NUMB: variants seen among roughly 807,000 people sequenced by gnomAD.
The protein encoded by NUMB is protein numb homolog.
In NUMB, 29 loss-of-function variants were observed where a neutral mutation model predicts 59.7. That is an observed-to-expected ratio of 0.49 (90% CI 0.36 to 0.66). The LOEUF (loss-of-function observed/expected upper bound fraction) is 0.66. NUMB is among the 30% of genes least tolerant of loss of function. The probability of loss-of-function intolerance (pLI) is 0.00; values close to 1 mark genes in which losing one functional copy is unlikely to be tolerated. For missense variants in NUMB, 723 were observed against 822.0 expected (o/e 0.88, Z 1.47); for synonymous variants, 288 against 288.2 (o/e 1.00, Z 0.01).
intron 2 of NUMB, among the ~76,000 whole-genome samples, chr14:73,399,932 G>A (rs1007729746): frequency 6.6e-6 from 1 of 151,842 alleles, no homozygotes; most frequent in Non-Finnish European, 1.5e-5. Context: ...CCAGCTACTC[G>A]GGAGGCTGAG....
chr14:73,320,281 C>T (rs1280194795), intron 5 of NUMB, among the ~76,000 whole-genome samples: 1 of 152,162 alleles, frequency 6.6e-6, no homozygotes, highest in Non-Finnish European at 1.5e-5. Flanking sequence ...TAGTTTTTGT[C>T]TGAAAAATTT....
intron 4 of NUMB, among the ~76,000 whole-genome samples, chr14:73,350,711 T>C (rs1263524179): frequency 7.6e-6 from 1 of 131,178 alleles, no homozygotes; most frequent in African/African-American, 2.9e-5. Context: ...TTTTTTTTTG[T>C]AGAGATGGGG....
chr14:73,427,272 G>A (rs370046869), intron 1 of NUMB, among the ~76,000 whole-genome samples: 114 of 152,090 alleles, frequency 7.5e-4, no homozygotes, highest in Middle Eastern at 3.4e-3. Context: ...TGAGGTCAGA[G>A]ACCAGCCTGG....
intron 2 of NUMB, among the ~76,000 whole-genome samples, chr14:73,375,792 G>T (rs1278865523): frequency 6.6e-6 from 1 of 151,990 alleles, no homozygotes. Flanking sequence ...ATATTAACAG[G>T]CTAAAAAACA....
At chr14:73,348,810 C>G (rs1893043669) in intron 4 of NUMB, among the ~76,000 whole-genome samples, 1 of 152,210 alleles carries the variant, frequency 6.6e-6, no homozygotes, top group Non-Finnish European at 1.5e-5. Flanking sequence ...ACTTATTCAT[C>G]TCACACAACA....
At chr14:73,309,626 T>C (rs1404881005) in intron 6 of NUMB, among the ~76,000 whole-genome samples, 1 of 151,704 alleles carries the variant, frequency 6.6e-6, no homozygotes, top group Non-Finnish European at 1.5e-5. Context: ...AAAACCTAGA[T>C]GACAGGTTGA....
In NUMB at chr14:73,297,205, T is replaced by A. The variant is rs1450679863; in HGVS notation, c.309+6A>T. On this transcript the variant is annotated splice_donor_region_variant and intron_variant, in intron 7 of 12. Coordinates refer to ENST00000555238, the MANE Select transcript of NUMB (RefSeq NM_001005743.2). ...AATAAATCAAAATAAAAATAAAGAA[T>A]CTTACCTTAGTTTTTTCATCCACAA... 1.3e-6 allele frequency: 2 copies of A among 1,549,286 alleles called. No individual in the cohort carries two copies. Among genetic ancestry groups the A allele is most frequent in the African/African-American group, 1.4e-5 (1 of 73,254 alleles).
intron 1 of NUMB, among the ~76,000 whole-genome samples, chr14:73,445,214 C>T (rs1199058851): frequency 6.6e-6 from 1 of 151,716 alleles, no homozygotes; most frequent in Non-Finnish European, 1.5e-5. Context: ...ATTAGGTGGA[C>T]ATGATGGCAT....
intron 2 of NUMB, among the ~76,000 whole-genome samples, chr14:73,385,652 C>T (rs1566773206): frequency 6.6e-6 from 1 of 151,960 alleles, no homozygotes; most frequent in Admixed American, 6.6e-5. Flanking sequence ...CAGGCATGTG[C>T]CACCACACCC....
chr14:73,387,273 C>A (rs550802887), intron 2 of NUMB, among the ~76,000 whole-genome samples: 27 of 152,202 alleles, frequency 1.8e-4, no homozygotes, highest in Non-Finnish European at 3.8e-4. Context: ...ATGTGTCATG[C>A]GAAGGAATCA....
intron 12 of NUMB, among the ~76,000 whole-genome samples, chr14:73,278,721 CTTTTTTTT>C (rs35813203): frequency 1.4e-4 from 8 of 58,044 alleles, no homozygotes; most frequent in African/African-American, 3.1e-4. Flanking sequence ...GCCCTGGAAT[CTTTTTTTT>C]TTTTTTTTTT....
At chr14:73,399,084 C>A (rs372893756) in intron 2 of NUMB, among the ~76,000 whole-genome samples, 16 of 151,914 alleles carry the variant, frequency 1.1e-4, no homozygotes. Context: ...ATACAGTATG[C>A]GCTTCCATAA....
chr14:73,380,123 G>C (rs573340528), intron 2 of NUMB, among the ~76,000 whole-genome samples: 4 of 152,152 alleles, frequency 2.6e-5, no homozygotes, highest in Non-Finnish European at 4.4e-5. Context: ...CCAGCTCCAG[G>C]AGAAACCGCA....
chr14:73,357,513 C>T (rs1259814910), intron 3 of NUMB, among the ~76,000 whole-genome samples: 1 of 151,762 alleles, frequency 6.6e-6, no homozygotes, highest in African/African-American at 2.4e-5. Flanking sequence ...AATCCCAGCA[C>T]TTTCGGAGGC....
At chr14:73,303,493 T>C (rs536678805) in intron 6 of NUMB, among the ~76,000 whole-genome samples, 2 of 152,072 alleles carry the variant, frequency 1.3e-5, no homozygotes, top group African/African-American at 2.4e-5. Context: ...GGCAGGAGAA[T>C]TGCTTGGACC....
At chr14:73,427,497 A>G (rs1410870007) in intron 1 of NUMB, among the ~76,000 whole-genome samples, 1 of 151,958 alleles carries the variant, frequency 6.6e-6, no homozygotes, top group African/African-American at 2.4e-5. Context: ...AAAGAGACCA[A>G]GCCACCTGCT....
At chr14:73,321,303 A>G (rs1891389874) in intron 5 of NUMB, among the ~76,000 whole-genome samples, 1 of 152,216 alleles carries the variant, frequency 6.6e-6, no homozygotes, top group African/African-American at 2.4e-5. Context: ...TTTCAGGGCT[A>G]TCTAGTCTGT....
At chr14:73,404,918 G>C (rs909234347) in intron 2 of NUMB, among the ~76,000 whole-genome samples, 3 of 151,988 alleles carry the variant, frequency 2.0e-5, no homozygotes, top group Non-Finnish European at 4.4e-5. Flanking sequence ...GCACCACTGA[G>C]CCCGGCTAAT....
intron 2 of NUMB, among the ~76,000 whole-genome samples, chr14:73,406,606 A>G (rs897792877): frequency 2.0e-5 from 3 of 152,170 alleles, no homozygotes; most frequent in Admixed American, 6.6e-5. Flanking sequence ...TTGGGTATAT[A>G]CCCAGTAATG....
Sources: gnomAD v4.1 joint callset for allele counts (sites outside exome capture counted in the v4.1 genomes callset) on GRCh38, gnomAD v4.1.1 for gene constraint, MANE v1.5 for transcripts, NCBI Gene and HGNC (gene_info 2026-07-23, HGNC 2026-07-21) for gene names.